GABRG3: variants seen among roughly 807,000 people sequenced by gnomAD.
The protein encoded by GABRG3 is gamma-aminobutyric acid receptor subunit gamma-3.
GABRG3 carries 25 observed loss-of-function variants against 48.8 expected under a neutral mutation model. The ratio of observed to expected loss-of-function variants is 0.51; its 90% CI spans 0.37 to 0.72. The LOEUF (loss-of-function observed/expected upper bound fraction) is 0.72, where lower values mean the gene tolerates loss of function less well. Ranked by LOEUF, GABRG3 falls within the 30% of genes least tolerant of loss-of-function variation. The pLI is 0.00. For synonymous variants in GABRG3, 227 were observed against 217.6 expected (o/e 1.04, Z -0.38); for missense variants, 394 against 577.9 (o/e 0.68, Z 3.26).
At position 27,256,483 on chromosome 15, in the gene GABRG3, A is replaced by G. The variant is rs1890625000; in HGVS notation, c.271-70326A>G. Reference sequence around the variant, plus strand: ...AAACAAACCCAAATTTTAGGCTCTTATGTTAAGGGTAGGGGGGGCGGGGAG... The same window carrying G: ...AAACAAACCCAAATTTTAGGCTCTTGTGTTAAGGGTAGGGGGGGCGGGGAG... On this transcript the variant is annotated intron_variant, in intron 3 of 9. Transcript: ENST00000615808. 6.3e-5 allele frequency among the ~76,000 whole-genome samples: 7 copies of G among 110,672 alleles called. No homozygotes were observed. In the South Asian group the frequency reaches 1.9e-3, roughly 30 times the overall value. The allele number at this position is 110,672 out of a possible 152,430, so 72.6% of individuals were successfully genotyped here.
chr15:27,507,695 A>G (rs1393965774), intron 6 of GABRG3, among the ~76,000 whole-genome samples: 1 of 152,138 alleles, frequency 6.6e-6, no homozygotes, highest in East Asian at 1.9e-4. Flanking sequence ...CGATTGTTCA[A>G]GTCTTCCATA....
At chr15:27,285,404 A>C (rs781079260) in intron 3 of GABRG3, among the ~76,000 whole-genome samples, 2 of 152,090 alleles carry the variant, frequency 1.3e-5, no homozygotes, top group Non-Finnish European at 2.9e-5. Context: ...AGGAAAAGTC[A>C]TTCAACTCCC....
intron 3 of GABRG3, among the ~76,000 whole-genome samples, chr15:27,028,846 A>C (rs1372889545): frequency 6.6e-6 from 1 of 150,982 alleles, no homozygotes; most frequent in African/African-American, 2.4e-5. Context: ...ATCGCTAGTC[A>C]GACCCCTCTC....
chr15:26,984,179 G>GC (rs1201887067), intron 2 of GABRG3, among the ~76,000 whole-genome samples: 4 of 152,236 alleles, frequency 2.6e-5, no homozygotes, highest in African/African-American at 4.8e-5. Context: ...AGTTTCTACA[G>GC]CATTGTTGTG....
At chr15:27,072,427 C>A (rs1310872755) in intron 3 of GABRG3, among the ~76,000 whole-genome samples, 1 of 152,122 alleles carries the variant, frequency 6.6e-6, no homozygotes, top group Non-Finnish European at 1.5e-5. Context: ...CATCTTAGTC[C>A]AAGATTCTAG....
intron 5 of GABRG3, among the ~76,000 whole-genome samples, chr15:27,424,678 C>T (rs1207791774): frequency 4.0e-5 from 6 of 151,838 alleles, no homozygotes; most frequent in East Asian, 1.9e-4. Context: ...CTCAGCCTCC[C>T]GAGTAGTTGA....
chr15:27,254,651 C>T (rs1199167690), intron 3 of GABRG3, among the ~76,000 whole-genome samples: 8 of 152,008 alleles, frequency 5.3e-5, no homozygotes, highest in Non-Finnish European at 8.8e-5. Flanking sequence ...AGGACAAGGC[C>T]GCTCTCAGGG....
intron 3 of GABRG3, among the ~76,000 whole-genome samples, chr15:27,110,499 T>G (rs1430067797): frequency 6.6e-6 from 1 of 152,140 alleles, no homozygotes; most frequent in Non-Finnish European, 1.5e-5. Context: ...TCTGAGTTTC[T>G]GACCTATGTA....
At chr15:27,063,550 G>A (rs1033351955) in intron 3 of GABRG3, among the ~76,000 whole-genome samples, 1 of 152,148 alleles carries the variant, frequency 6.6e-6, no homozygotes, top group Non-Finnish European at 1.5e-5. Flanking sequence ...CATGTGATGC[G>A]CCTTCTGCCC....
rs1194665285 is a variant in GABRG3, at chr15:27,527,603, C to A, written c.1036C>A (p.Pro346Thr). 1 of 1,612,004 alleles carries A rather than the reference C, an allele frequency of 6.2e-7. No homozygotes were observed. The highest frequency in any genetic ancestry group is 1.7e-5 in the Admixed American group (1 of 59,690). ...CAACTACTATTCCAGCTGTAGAAAA[C>A]CAACCACCACGAAGAAGACAACATC... Reference protein sequence around the residue: ...TLNYYSSCRKPTTTKKTTSLL... With the variant: ...TLNYYSSCRKTTTTKKTTSLL... The change falls in exon 8 of 10, where the codon CCA (proline) becomes ACA (threonine). Residue 346 changes from proline (P) to threonine (T), a missense_variant. By Grantham distance (38) the Pro-to-Thr change is conservative (BLOSUM62 -1). Transcript: ENST00000615808.
chr15:27,305,203 TAATCA>T (rs754758642), intron 3 of GABRG3, among the ~76,000 whole-genome samples: 3 of 151,772 alleles, frequency 2.0e-5, no homozygotes, highest in Non-Finnish European at 4.4e-5. Context: ...TTTGGTACTC[TAATCA>T]AGTATATTTC....
intron 5 of GABRG3, among the ~76,000 whole-genome samples, chr15:27,415,242 T>C (rs1014493969): frequency 6.6e-6 from 1 of 152,166 alleles, no homozygotes; most frequent in Non-Finnish European, 1.5e-5. Flanking sequence ...TTTTTCTCTT[T>C]GCTTTGCAGT....
intron 5 of GABRG3, among the ~76,000 whole-genome samples, chr15:27,432,178 T>C (rs1326918146): frequency 6.6e-6 from 1 of 152,200 alleles, no homozygotes; most frequent in Non-Finnish European, 1.5e-5. Context: ...CTTAAAACAA[T>C]GTAGTTGGGA....
At chr15:27,278,051 G>A (rs1308100220) in intron 3 of GABRG3, among the ~76,000 whole-genome samples, 1 of 149,628 alleles carries the variant, frequency 6.7e-6, no homozygotes, top group Non-Finnish European at 1.5e-5. Context: ...TATATAGCTC[G>A]ATGCATTTTT....
At chr15:27,379,679 C>T (rs1895706948) in intron 5 of GABRG3, among the ~76,000 whole-genome samples, 1 of 152,094 alleles carries the variant, frequency 6.6e-6, no homozygotes, top group Non-Finnish European at 1.5e-5. Flanking sequence ...GGGTAGTTTT[C>T]CTGGATGCAG....
chr15:27,324,330 C>T (rs1893531957), intron 3 of GABRG3, among the ~76,000 whole-genome samples: 1 of 152,118 alleles, frequency 6.6e-6, no homozygotes, highest in Non-Finnish European at 1.5e-5. Flanking sequence ...CCCACACGTG[C>T]AGTGTATGTA....
At chr15:27,453,076 A>G (rs1000326185) in intron 5 of GABRG3, among the ~76,000 whole-genome samples, 3 of 152,230 alleles carry the variant, frequency 2.0e-5, no homozygotes, top group Non-Finnish European at 4.4e-5. Flanking sequence ...TTATATGTGG[A>G]ATCTAAAAGA....
At position 27,109,291 on chromosome 15, in the gene GABRG3, G is replaced by A. The variant is rs1897503467; in HGVS notation, c.270+82470G>A. 2.0e-5 allele frequency among the ~76,000 whole-genome samples: 3 copies of A among 152,138 alleles called. No individual in the cohort carries two copies. In the South Asian group the frequency reaches 6.2e-4, roughly 31 times the overall value. ...ACATGCTGTTTCCCTTACTATTAGTGTGGTTAGTTGATTTGGTACAACTGA... is the reference window on the plus strand; with the variant it reads ...ACATGCTGTTTCCCTTACTATTAGTATGGTTAGTTGATTTGGTACAACTGA... On this transcript the variant is annotated intron_variant, in intron 3 of 9. Transcript: ENST00000615808.
At chr15:27,147,559 A>G (rs1898231975) in intron 3 of GABRG3, among the ~76,000 whole-genome samples, 1 of 152,038 alleles carries the variant, frequency 6.6e-6, no homozygotes, top group Non-Finnish European at 1.5e-5. Context: ...TGGGGGACAC[A>G]ATTGTGTATT....
Sources: gnomAD v4.1 joint callset for allele counts (sites outside exome capture counted in the v4.1 genomes callset) on GRCh38, gnomAD v4.1.1 for gene constraint, MANE v1.5 for transcripts, NCBI Gene and HGNC (gene_info 2026-07-23, HGNC 2026-07-21) for gene names.